Variants in CMKLR2 observed in about 807,000 individuals in gnomAD.
CMKLR2 encodes the protein chemerin chemokine-like receptor 2.
In CMKLR2, 18 loss-of-function variants were observed where a neutral mutation model predicts 23.0. The observed-to-expected ratio is 0.78, with a 90% CI of 0.54 to 1.16. CMKLR2 has a LOEUF of 1.16. Among genes scored for constraint, CMKLR2 ranks in the 50% most tolerant of loss-of-function variants. The pLI is 0.00. For synonymous variants in CMKLR2, 158 were observed against 158.9 expected (o/e 0.99, Z 0.05); for missense variants, 401 against 412.7 (o/e 0.97, Z 0.25).
intron 1 of CMKLR2, among the ~76,000 whole-genome samples, chr2:206,200,287 G>A (rs1468565415): frequency 6.6e-6 from 1 of 152,136 alleles, no homozygotes; most frequent in Non-Finnish European, 1.5e-5. Flanking sequence ...GCTGGGCCTG[G>A]TGACACATGC....
chr2:206,198,194 T>G (rs533094761), intron 1 of CMKLR2, among the ~76,000 whole-genome samples: 77 of 152,380 alleles, frequency 5.1e-4, no homozygotes, highest in Non-Finnish European at 9.1e-4. Flanking sequence ...TTTGGTGCCC[T>G]GTTAAATTTT....
intron 1 of CMKLR2, among the ~76,000 whole-genome samples, chr2:206,196,867 C>T (rs1429375505): frequency 6.6e-6 from 1 of 152,100 alleles, no homozygotes; most frequent in East Asian, 1.9e-4. Flanking sequence ...CAGCTGGATT[C>T]TGAGGAATAA....
intron 1 of CMKLR2, among the ~76,000 whole-genome samples, chr2:206,209,142 A>T (rs1386479331): frequency 6.6e-6 from 1 of 152,066 alleles, no homozygotes; most frequent in African/African-American, 2.4e-5. Context: ...GTCGGAGACC[A>T]GCCTGGCCAA....
chr2:206,188,589 A>G (rs2105811709), intron 1 of CMKLR2, among the ~76,000 whole-genome samples: 1 of 152,304 alleles, frequency 6.6e-6, no homozygotes, highest in African/African-American at 2.4e-5. Context: ...AATGTGTGAA[A>G]AATGCTTGGT....
chr2:206,176,972 C>T lies in CMKLR2; in HGVS notation c.276G>A (p.Leu92=). The T allele has an allele frequency of 6.2e-7, 1 of 1,614,204 alleles. No homozygotes were observed. Among genetic ancestry groups the T allele is most frequent in the Non-Finnish European group, 8.5e-7 (1 of 1,180,048 alleles). ...ADFIFLLFLP[L]YISYVAMNFH... The stretch of plus-strand genomic sequence containing the variant: ...AATTCATGGCCACATAGGAGATGTA[C>T]AGGGGCAGAAAGAGAAGAAAAATGA... Residue 92 remains leucine (L), a synonymous_variant, in exon 2 of 2, where the codon CTG becomes CTA. Transcript: ENST00000621141.
intron 1 of CMKLR2, among the ~76,000 whole-genome samples, chr2:206,182,092 G>A (rs1688434025): frequency 6.6e-6 from 1 of 152,036 alleles, no homozygotes; most frequent in Non-Finnish European, 1.5e-5. Flanking sequence ...AAGAAGATGG[G>A]TGAGTCTTGC....
rs374619664 is a variant in CMKLR2 at position 206,177,217 on chromosome 2, C to A, written c.31G>T (p.Glu11Ter). 8.7e-6 allele frequency: 14 copies of A among 1,606,004 alleles called. No individual in the cohort carries two copies. Among genetic ancestry groups the A allele is most frequent in the Non-Finnish European group, 1.1e-5 (13 of 1,175,980 alleles). ...AGGTCATAGGAATAGTTTTCAAATT[C>A]TTCAAATAATGTTTCCTCCAAATCT... MEDLEETLFE[E>*]FENYSYDLDY... Residue 11 changes from glutamate (E) to a stop codon, truncating the protein, a stop_gained, in exon 2 of 2, where the codon GAA becomes TAA. Transcript: ENST00000621141. LOFTEE classifies it high-confidence loss of function.
At chr2:206,207,594 T>C (rs1574328871) in intron 1 of CMKLR2, among the ~76,000 whole-genome samples, 1 of 152,132 alleles carries the variant, frequency 6.6e-6, no homozygotes, top group East Asian at 1.9e-4. Flanking sequence ...CAACTTCACA[T>C]GCATTGTCAC....
intron 1 of CMKLR2, among the ~76,000 whole-genome samples, chr2:206,191,807 C>T (rs897470589): frequency 6.6e-6 from 1 of 150,550 alleles, no homozygotes. Context: ...CAGCTGGGAC[C>T]ACAGAGGCAT....
chr2:206,177,311 T>C (rs1200756032), intron 1 of CMKLR2, 36 bp from the exon 2 acceptor site: 2 of 1,032,718 alleles, frequency 1.9e-6, no homozygotes, highest in Non-Finnish European at 2.8e-6. Flanking sequence ...GAAAAAATTT[T>C]AAAAGAAAAA....
chr2:206,186,844 G>A (rs1240401630), intron 1 of CMKLR2, among the ~76,000 whole-genome samples: 3 of 149,466 alleles, frequency 2.0e-5, no homozygotes, highest in Non-Finnish European at 3.0e-5. Context: ...AGGCTGGAGA[G>A]CAGTGGCAGA....
At chr2:206,195,878 T>C (rs1386467668) in intron 1 of CMKLR2, among the ~76,000 whole-genome samples, 2 of 151,590 alleles carry the variant, frequency 1.3e-5, no homozygotes, top group Admixed American at 6.6e-5. Context: ...CCCTTGAACC[T>C]GGGAGGCGGA....
intron 1 of CMKLR2, among the ~76,000 whole-genome samples, chr2:206,191,753 G>A (rs189521804): frequency 6.1e-5 from 9 of 147,144 alleles, no homozygotes; most frequent in African/African-American, 2.0e-4. Flanking sequence ...CTGCAGCCTT[G>A]ACCTCCCAGG....
chr2:206,177,160 C>T lies in CMKLR2; in HGVS notation c.88G>A (p.Glu30Lys). ...DYYSLESDLE[E>K]KVQLGVVHWV... Reference sequence around the variant, plus strand: ...TGAACAACTCCCAGCTGGACTTTCTCCTCCAAATCAGACTCCAGAGAGTAA... The same window carrying T: ...TGAACAACTCCCAGCTGGACTTTCTTCTCCAAATCAGACTCCAGAGAGTAA... Residue 30 changes from glutamate to lysine, a missense_variant, in exon 2 of 2, where the codon GAG becomes AAG. Physicochemically the swap from Glu to Lys is moderately conservative, Grantham distance 56 (BLOSUM62 1). Coordinates refer to ENST00000621141, the MANE Select transcript of CMKLR2 (RefSeq NM_001389445.1). 1 of 1,613,964 alleles carries T rather than the reference C, an allele frequency of 6.2e-7. No homozygotes were observed. Among genetic ancestry groups the T allele is most frequent in the South Asian group, 1.1e-5 (1 of 91,078 alleles).
chr2:206,216,187 C>T (rs1009240179), upstream of CMKLR2, among the ~76,000 whole-genome samples: 1 of 152,104 alleles, frequency 6.6e-6, no homozygotes. Context: ...GGTGCGGTGG[C>T]TCATGCCTGT....
rs1392133952 is a variant in CMKLR2, at chr2:206,176,733, G to A, written c.515C>T (p.Ala172Val). 1 of 1,614,174 alleles carries A rather than the reference G, an allele frequency of 6.2e-7. No individual in the cohort carries two copies. ...WLLASLIGGP[A>V]LYFRDTVEFN... ...CTCCACAGTGTCCCGGAAGTACAGGGCAGGACCGCCAATTAGAGAAGCCAA... is the reference window on the plus strand; with the variant it reads ...CTCCACAGTGTCCCGGAAGTACAGGACAGGACCGCCAATTAGAGAAGCCAA... Residue 172 changes from alanine (A) to valine (V), a missense_variant, in exon 2 of 2, where the codon GCC becomes GTC. By Grantham distance (64) the Ala-to-Val change is moderately conservative (BLOSUM62 0). Transcript: ENST00000621141.
At chr2:206,208,481 C>G (rs1323050045) in intron 1 of CMKLR2, among the ~76,000 whole-genome samples, 1 of 152,042 alleles carries the variant, frequency 6.6e-6, no homozygotes, top group Non-Finnish European at 1.5e-5. Flanking sequence ...TTACAGTGAA[C>G]TGTGATAGTA....
At chr2:206,186,920 G>C (rs183644640) in intron 1 of CMKLR2, among the ~76,000 whole-genome samples, 1 of 151,874 alleles carries the variant, frequency 6.6e-6, no homozygotes, top group Admixed American at 6.6e-5. Context: ...AGGCACAGGG[G>C]CCCACACCTG....
intron 1 of CMKLR2, among the ~76,000 whole-genome samples, chr2:206,188,429 C>G (rs917199542): frequency 4.6e-5 from 7 of 152,114 alleles, no homozygotes; most frequent in Admixed American, 1.3e-4. Context: ...TTGTCTTAAA[C>G]CATATGTGCT....
Sources: allele counts gnomAD v4.1 joint callset (sites outside exome capture counted in the v4.1 genomes callset), GRCh38; gene constraint gnomAD v4.1.1; transcripts MANE v1.5; gene names NCBI Gene and HGNC (gene_info 2026-07-23, HGNC 2026-07-21).